Variants in EIPR1 observed in about 807,000 individuals in gnomAD.
EIPR1 encodes EARP complex and GARP complex interacting protein 1.
In EIPR1, 25 loss-of-function variants were observed where a neutral mutation model predicts 48.1. That is an observed-to-expected ratio of 0.52 (90% confidence interval 0.38 to 0.73). The LOEUF is 0.73. EIPR1 is among the 30% of genes least tolerant of loss of function. EIPR1 has a pLI of 0.00. For missense variants in EIPR1, 415 were observed against 506.2 expected (o/e 0.82, Z 1.73); for synonymous variants, 204 against 201.9 (o/e 1.01, Z -0.09).
intron 3 of EIPR1, among the ~76,000 whole-genome samples, chr2:3,276,969 A>G (rs191051101): frequency 6.6e-6 from 1 of 152,234 alleles, no homozygotes; most frequent in African/African-American, 2.4e-5. Context: ...ACAAGTCACC[A>G]GGGAGCAAAC....
intron 4 of EIPR1, among the ~76,000 whole-genome samples, chr2:3,229,034 T>G (rs908819534): frequency 6.6e-6 from 1 of 152,194 alleles, no homozygotes; most frequent in African/African-American, 2.4e-5. Flanking sequence ...GGAAAGTACA[T>G]GACACAGAAA....
intron 2 of EIPR1, among the ~76,000 whole-genome samples, chr2:3,351,251 T>G (rs933036066): frequency 2.0e-5 from 3 of 152,222 alleles, no homozygotes; most frequent in African/African-American, 7.2e-5. Flanking sequence ...TCCACCCGCC[T>G]TGGCCTCCTG....
chr2:3,241,225 C>T (rs1242357528), intron 4 of EIPR1, among the ~76,000 whole-genome samples: 1 of 152,244 alleles, frequency 6.6e-6, no homozygotes, highest in Non-Finnish European at 1.5e-5. Context: ...TAAAACAAAG[C>T]ATTTTGAAGG....
chr2:3,335,143 C>G (rs952475708), intron 3 of EIPR1, among the ~76,000 whole-genome samples: 3 of 152,192 alleles, frequency 2.0e-5, no homozygotes, highest in African/African-American at 7.2e-5. Context: ...CTGACACAGC[C>G]TGGTGGGGGC....
At chr2:3,215,011 A>T (rs1327410888) in intron 4 of EIPR1, among the ~76,000 whole-genome samples, 2 of 152,222 alleles carry the variant, frequency 1.3e-5, no homozygotes, top group African/African-American at 4.8e-5. Context: ...ACACATCAGT[A>T]AGAGAGCCCT....
chr2:3,197,041 A>G (rs760419376), intron 5 of EIPR1, 24 bp from the exon 6 acceptor site: 22 of 1,611,960 alleles, frequency 1.4e-5, no homozygotes, highest in Non-Finnish European at 1.9e-5. Context: ...GATGTTTTCC[A>G]AAGGAAGAAG....
intron 3 of EIPR1, among the ~76,000 whole-genome samples, chr2:3,273,214 A>G (rs1276720429): frequency 1.3e-5 from 2 of 152,214 alleles, no homozygotes; most frequent in Admixed American, 1.3e-4. Flanking sequence ...GCCTCTCTAA[A>G]ATACTTAGAT....
chr2:3,274,076 T>C (rs1353169218), intron 3 of EIPR1, among the ~76,000 whole-genome samples: 1 of 152,160 alleles, frequency 6.6e-6, no homozygotes, highest in Non-Finnish European at 1.5e-5. Flanking sequence ...TGAGAATTAA[T>C]CATTTGGAAT....
chr2:3,298,188 C>A (rs185698940), intron 3 of EIPR1, among the ~76,000 whole-genome samples: 2 of 152,176 alleles, frequency 1.3e-5, no homozygotes, highest in Admixed American at 1.3e-4. Context: ...GAGATTCGTG[C>A]GGCCCACTCC....
chr2:3,244,886 T>G (rs1322254433), intron 4 of EIPR1, among the ~76,000 whole-genome samples: 4 of 152,198 alleles, frequency 2.6e-5, no homozygotes, highest in Non-Finnish European at 5.9e-5. Flanking sequence ...CATAAAAGGA[T>G]CAACAAAAAC....
Position 3,310,330 on chromosome 2 carries a change from A to G in EIPR1, c.259+27687T>C, listed in dbSNP as rs564475572. Among the ~76,000 whole-genome samples the G allele has an allele frequency of 1.6e-3, 249 of 152,254 alleles. 13 individuals carry two copies. In the South Asian group the frequency reaches 0.048, roughly 29 times the overall value. On this transcript the variant is annotated intron_variant, in intron 3 of 8. Transcript: ENST00000382125. ...AATATTTTTCTTAGGGAGAGAAGAA[A>G]TACCAGTAAGTTCTCAAAGGCTTTT...
chr2:3,300,564 G>A (rs894053581), intron 3 of EIPR1, among the ~76,000 whole-genome samples: 7 of 152,024 alleles, frequency 4.6e-5, no homozygotes, highest in Admixed American at 1.3e-4. Flanking sequence ...CAATGTGTCC[G>A]TTTCTCAAGG....
rs771239544 is a variant in EIPR1, at chr2:3,266,081, C to A, written c.260-8626G>T. Among the ~76,000 whole-genome samples, 17 of 152,184 alleles carry A rather than the reference C, an allele frequency of 1.1e-4. 1 individual carries two copies. The highest frequency in any genetic ancestry group is 2.4e-4 in the Non-Finnish European group (16 of 68,034). On this transcript the variant is annotated intron_variant, in intron 3 of 8. Transcript: ENST00000382125. ...TATTCGCGACTGCCAACTGCAGCCACGGGTGTGCTGCCTGCTGGAAGGGAT... is the reference window on the plus strand; with the variant it reads ...TATTCGCGACTGCCAACTGCAGCCAAGGGTGTGCTGCCTGCTGGAAGGGAT...
At chr2:3,239,821 A>G (rs955032811) in intron 4 of EIPR1, among the ~76,000 whole-genome samples, 2 of 152,138 alleles carry the variant, frequency 1.3e-5, no homozygotes, top group Non-Finnish European at 2.9e-5. Flanking sequence ...TTTTCTTTCC[A>G]TCTCCTTCCT....
At chr2:3,207,494 T>G (rs531490323) in intron 5 of EIPR1, among the ~76,000 whole-genome samples, 1 of 152,230 alleles carries the variant, frequency 6.6e-6, no homozygotes, top group Non-Finnish European at 1.5e-5. Flanking sequence ...CTGCAGGCCC[T>G]ATAACCGCAT....
intron 3 of EIPR1, among the ~76,000 whole-genome samples, chr2:3,330,374 G>A (rs1346597502): frequency 1.3e-5 from 2 of 152,162 alleles, no homozygotes; most frequent in Admixed American, 6.5e-5. Context: ...GACACAAAAG[G>A]GGACACAATG....
chr2:3,301,780 C>A (rs1668767666), intron 3 of EIPR1, among the ~76,000 whole-genome samples: 1 of 152,190 alleles, frequency 6.6e-6, no homozygotes, highest in Admixed American at 6.5e-5. Flanking sequence ...GATGGTTAGT[C>A]ATCTTTGATA....
chr2:3,293,025 C>A (rs1470188244), intron 3 of EIPR1, among the ~76,000 whole-genome samples: 1 of 152,238 alleles, frequency 6.6e-6, no homozygotes, highest in Non-Finnish European at 1.5e-5. Flanking sequence ...GACACTGGCC[C>A]AGGCCTGAGC....
At chr2:3,251,684 C>T (rs958360441) in intron 4 of EIPR1, among the ~76,000 whole-genome samples, 8 of 152,168 alleles carry the variant, frequency 5.3e-5, no homozygotes, top group Non-Finnish European at 1.2e-4. Flanking sequence ...AAAAGAAGGG[C>T]ATTTTGTTAT....
Sources: gnomAD v4.1 joint callset for allele counts (sites outside exome capture counted in the v4.1 genomes callset) on GRCh38, gnomAD v4.1.1 for gene constraint, MANE v1.5 for transcripts, NCBI Gene and HGNC (gene_info 2026-07-23, HGNC 2026-07-21) for gene names.